PRKG1: variants seen among roughly 807,000 people sequenced by gnomAD.
PRKG1 encodes the protein protein kinase cGMP-dependent 1.
In PRKG1, 35 loss-of-function variants were observed where a neutral mutation model predicts 88.1. The ratio of observed to expected loss-of-function variants is 0.40; its 90% CI spans 0.30 to 0.53. The LOEUF (loss-of-function observed/expected upper bound fraction) is 0.53, where lower values mean the gene tolerates loss of function less well. PRKG1 is among the 20% of genes least tolerant of loss of function. The probability of loss-of-function intolerance (pLI) is 0.59; values close to 1 mark genes in which losing one functional copy is unlikely to be tolerated. For synonymous variants in PRKG1, 303 were observed against 292.5 expected, an observed-to-expected ratio of 1.04 and a Z score of -0.37; for missense variants, 540 against 839.8, an observed-to-expected ratio of 0.64 and a Z score of 4.41.
chr10:51,218,523 A>ATG (rs1202979088), intron 2 of PRKG1, among the ~76,000 whole-genome samples: 1 of 122,934 alleles, frequency 8.1e-6, no homozygotes, highest in Non-Finnish European at 1.7e-5. Flanking sequence ...ATATATATAT[A>ATG]TATATATAAA....
chr10:51,200,094 GCTAA>G (rs1237905820), intron 2 of PRKG1, among the ~76,000 whole-genome samples: 2 of 152,174 alleles, frequency 1.3e-5, no homozygotes, highest in African/African-American at 4.8e-5. Context: ...TGGCATGTGG[GCTAA>G]CACTTGAAGG....
chr10:51,380,300 T>C (rs778123186), intron 2 of PRKG1, among the ~76,000 whole-genome samples: 12 of 152,202 alleles, frequency 7.9e-5, no homozygotes, highest in African/African-American at 1.2e-4. Flanking sequence ...TTATCCATAG[T>C]GGGAGTATTT....
chr10:52,157,353 T>C (rs1451086101), intron 8 of PRKG1, among the ~76,000 whole-genome samples: 2 of 130,772 alleles, frequency 1.5e-5, no homozygotes, highest in African/African-American at 5.9e-5. Context: ...ATATATGTGA[T>C]ACTTTGTAAC....
intron 12 of PRKG1, among the ~76,000 whole-genome samples, chr10:52,272,922 T>G (rs1841770395): frequency 6.6e-6 from 1 of 152,078 alleles, no homozygotes; most frequent in Admixed American, 6.6e-5. Flanking sequence ...CCAAAGTAAT[T>G]TTTCCCTCTA....
intron 2 of PRKG1, among the ~76,000 whole-genome samples, chr10:51,370,040 T>G (rs1404454641): frequency 1.3e-5 from 2 of 152,084 alleles, no homozygotes; most frequent in Non-Finnish European, 2.9e-5. Context: ...GTTTGCCATT[T>G]TGATGATGAG....
chr10:50,994,652 AATG>A (rs773847988), intron 1 of PRKG1, among the ~76,000 whole-genome samples: 6 of 152,070 alleles, frequency 3.9e-5, no homozygotes, highest in Non-Finnish European at 8.8e-5. Flanking sequence ...GTAGCATTTG[AATG>A]ATAACTATTC....
intron 1 of PRKG1, among the ~76,000 whole-genome samples, chr10:51,043,971 C>T (rs1302123520): frequency 1.3e-5 from 2 of 152,134 alleles, no homozygotes; most frequent in Non-Finnish European, 2.9e-5. Flanking sequence ...TATCCAAGTG[C>T]TTCACAGGTA....
chr10:51,778,945 G>A (rs1838513198), intron 3 of PRKG1, among the ~76,000 whole-genome samples: 1 of 152,090 alleles, frequency 6.6e-6, no homozygotes, highest in African/African-American at 2.4e-5. Context: ...TGTGTTTTTT[G>A]AAAAGAATAT....
At chr10:51,423,562 T>C (rs1239778164) in intron 2 of PRKG1, among the ~76,000 whole-genome samples, 2 of 152,202 alleles carry the variant, frequency 1.3e-5, no homozygotes. Context: ...TACTTAAGTA[T>C]TTCAAAGGGA....
At chr10:51,536,859 T>C (rs965480522) in intron 3 of PRKG1, among the ~76,000 whole-genome samples, 7 of 142,420 alleles carry the variant, frequency 4.9e-5, no homozygotes, top group Non-Finnish European at 1.5e-5. Context: ...GTCCATGTGT[T>C]CTCATTGTTC....
intron 3 of PRKG1, among the ~76,000 whole-genome samples, chr10:51,476,851 C>G (rs1305748788): frequency 6.6e-6 from 1 of 151,952 alleles, no homozygotes; most frequent in Non-Finnish European, 1.5e-5. Flanking sequence ...CTAGTTGAAT[C>G]CAGGGTTACT....
intron 7 of PRKG1, among the ~76,000 whole-genome samples, chr10:52,120,836 C>A (rs1847804199): frequency 6.6e-6 from 1 of 152,058 alleles, no homozygotes; most frequent in South Asian, 2.1e-4. Flanking sequence ...CAGATGCAGC[C>A]CCACTCCTAT....
At chr10:51,441,645 G>C (rs1382783053) in intron 2 of PRKG1, among the ~76,000 whole-genome samples, 1 of 151,762 alleles carries the variant, frequency 6.6e-6, no homozygotes, top group Non-Finnish European at 1.5e-5. Context: ...TTTTAGTTCT[G>C]GTTCTGTTCT....
intron 3 of PRKG1, among the ~76,000 whole-genome samples, chr10:51,799,856 G>T (rs1338757200): frequency 6.6e-6 from 1 of 151,904 alleles, no homozygotes; most frequent in African/African-American, 2.4e-5. Context: ...TGTCAGTTTG[G>T]TGAAGCATAT....
chr10:51,868,169 GGAC>G (rs1437376532), intron 4 of PRKG1, among the ~76,000 whole-genome samples: 2 of 152,148 alleles, frequency 1.3e-5, no homozygotes, highest in African/African-American at 4.8e-5. Context: ...GAATAAGCAA[GGAC>G]GACTTATACA....
intron 3 of PRKG1, among the ~76,000 whole-genome samples, chr10:51,538,195 T>C (rs906055374): frequency 3.3e-5 from 5 of 152,106 alleles, no homozygotes; most frequent in African/African-American, 1.2e-4. Flanking sequence ...TGTAGCTTAA[T>C]CATGTGCATA....
At chr10:51,437,503 G>A (rs957097533) in intron 2 of PRKG1, among the ~76,000 whole-genome samples, 5 of 151,482 alleles carry the variant, frequency 3.3e-5, no homozygotes, top group Admixed American at 6.6e-5. Flanking sequence ...CATATTTTAC[G>A]TACATCACAC....
intron 9 of PRKG1, among the ~76,000 whole-genome samples, chr10:52,185,915 A>AGAATGATAATAAAAGTAGTAAT (rs1839189003): frequency 6.6e-6 from 1 of 152,186 alleles, no homozygotes; most frequent in Non-Finnish European, 1.5e-5. Flanking sequence ...AGGGTAGCAG[A>AGAATGATAATAAAAGTAGTAAT]GACCTGGGGC....
At chr10:51,225,395 G>A (rs1010280946) in intron 2 of PRKG1, among the ~76,000 whole-genome samples, 3 of 152,130 alleles carry the variant, frequency 2.0e-5, no homozygotes, top group Admixed American at 6.6e-5. Context: ...TTGAGGAGAC[G>A]TAGGTATTCA....
Sources: gnomAD v4.1 joint callset for allele counts (sites outside exome capture counted in the v4.1 genomes callset) on GRCh38, gnomAD v4.1.1 for gene constraint, MANE v1.5 for transcripts, NCBI Gene and HGNC (gene_info 2026-07-23, HGNC 2026-07-21) for gene names.